The following CYP4F11 variants were observed in gnomAD, a reference collection of about 807,000 sequenced individuals.
The protein encoded by CYP4F11 is cytochrome P450 family 4 subfamily F member 11, also known as cytochrome P450 4F11.
CYP4F11 carries 79 observed loss-of-function variants against 62.2 expected under a neutral mutation model. The ratio of observed to expected loss-of-function variants is 1.27; its 90% CI spans 1.06 to 1.53. CYP4F11 has a LOEUF of 1.53. CYP4F11 is among the 40% of genes most tolerant of loss of function. The pLI, the probability that CYP4F11 is intolerant of heterozygous loss-of-function variation, is 0.00. For missense variants in CYP4F11, 777 were observed against 680.5 expected, an observed-to-expected ratio of 1.14 and a Z score of -1.58; for synonymous variants, 290 against 263.7, an observed-to-expected ratio of 1.10 and a Z score of -0.97.
chr19:15,922,212 C>T, intron 7 of CYP4F11, 46 bp from the exon 8 acceptor site: 2 of 1,599,804 alleles, frequency 1.3e-6, no homozygotes, highest in Non-Finnish European at 8.5e-7. Context: ...TGCTTCAGCA[C>T]CAGAGGGAGG....
intron 8 of CYP4F11, among the ~76,000 whole-genome samples, chr19:15,915,449 T>C (rs943389708): frequency 6.6e-6 from 1 of 152,212 alleles, no homozygotes; most frequent in Non-Finnish European, 1.5e-5. Context: ...TCTTTTTCTG[T>C]GGCTGTTTAA....
chr19:15,921,422 C>T (rs1189055284), intron 8 of CYP4F11, among the ~76,000 whole-genome samples: 3 of 152,200 alleles, frequency 2.0e-5, no homozygotes, highest in African/African-American at 7.2e-5. Flanking sequence ...CAGCCTCATC[C>T]CTGCCCATGT....
At chr19:15,931,560 G>A (rs554791021) in intron 1 of CYP4F11, among the ~76,000 whole-genome samples, 6 of 110,258 alleles carry the variant, frequency 5.4e-5, no homozygotes, top group Admixed American at 8.8e-5. Flanking sequence ...GAATGAGTGA[G>A]CGAGGAGAGG....
intron 1 of CYP4F11, among the ~76,000 whole-genome samples, chr19:15,933,861 T>C (rs143878357): frequency 0.017 from 370 of 22,412 alleles, 122 homozygotes; most frequent in Non-Finnish European, 0.031. Flanking sequence ...AATGAGTGAG[T>C]GAGCAGAGGA....
In CYP4F11 at chr19:15,912,805, T is replaced by TATATATATATATATATATAC. The variant is rs1183276800; in HGVS notation, c.*926_*927insGTATATATATATATATATAT. 9.9e-6 allele frequency: 1 copy of TATATATATATATATATATAC among 101,252 alleles called. No individual in the cohort carries two copies. Among genetic ancestry groups the TATATATATATATATATATAC allele is most frequent in the African/African-American group, 4.3e-5 (1 of 23,392 alleles). The allele number at this position is 101,252 out of a possible 1,614,324, so 6.3% of individuals were successfully genotyped here. On this transcript the variant is annotated 3_prime_UTR_variant, in exon 12 of 12. Coordinates refer to ENST00000402119, the MANE Select transcript of CYP4F11 (RefSeq NM_021187.4). ...TATATATATAATATATATATATATA[T>TATATATATATATATATATAC]ACATATCTTATATGCACAGCCCTCT...
chr19:15,934,322 C>T lies in CYP4F11; in HGVS notation c.87G>A (p.Trp29Ter), dbSNP rs1474851043. 1 of 1,613,266 alleles carries T rather than the reference C, an allele frequency of 6.2e-7. No homozygotes were observed. The highest frequency in any genetic ancestry group is 8.5e-7 in the Non-Finnish European group (1 of 1,179,624). Residue 29 changes from tryptophan to a stop codon, truncating the protein, a stop_gained, in exon 1 of 12, where the codon TGG (tryptophan) becomes TGA (stop). Transcript: ENST00000402119. LOFTEE classifies it high-confidence loss of function. The stretch of plus-strand genomic sequence containing the variant: ...TCCAGGCCAGGACGCGGGCCAGGAG[C>T]CAGGAGCCTCCAACCAGCAGCAGAA... ...WLLLLLVGGS[W>*]LLARVLAWTY... is the part of the protein sequence containing the mutation.
chr19:15,930,814 C>T (rs920674085), intron 1 of CYP4F11, among the ~76,000 whole-genome samples: 1 of 152,084 alleles, frequency 6.6e-6, no homozygotes, highest in Non-Finnish European at 1.5e-5. Context: ...CCTGGCTGGT[C>T]CCCACCAGCG....
At chr19:15,925,759 C>CA (rs1555777902) in intron 4 of CYP4F11, among the ~76,000 whole-genome samples, 4 of 149,052 alleles carry the variant, frequency 2.7e-5, no homozygotes, top group South Asian at 2.2e-4. Flanking sequence ...CACACACACA[C>CA]CCTGTAGTTG....
chr19:15,920,899 T>G (rs967571099), intron 8 of CYP4F11, among the ~76,000 whole-genome samples: 2 of 151,960 alleles, frequency 1.3e-5, no homozygotes, highest in African/African-American at 4.8e-5. Context: ...GTCTTCCCTC[T>G]CTCTTTCTTT....
Position 15,934,313 on chromosome 19 carries a change from G to GGCCAGGA in CYP4F11, c.89_95dup (p.Arg33ProfsTer13). The GGCCAGGA allele has an allele frequency of 1.2e-6, 2 of 1,613,148 alleles. No homozygotes were observed. The highest frequency in any genetic ancestry group is 2.2e-5 in the East Asian group (1 of 44,796). Reference sequence around the variant, plus strand: ...AGGTGTAGGTCCAGGCCAGGACGCGGGCCAGGAGCCAGGAGCCTCCAACCA... The same window carrying GGCCAGGA: ...AGGTGTAGGTCCAGGCCAGGACGCGGGCCAGGAGCCAGGAGCCAGGAGCCTCCAACCA... On this transcript the variant is annotated frameshift_variant, in exon 1 of 12. Transcript: ENST00000402119. LOFTEE classifies it high-confidence loss of function.
intron 1 of CYP4F11, 128 bp from the exon 2 acceptor site, chr19:15,929,729 G>A (rs189422549): frequency 5.5e-5 from 60 of 1,085,762 alleles, no homozygotes; most frequent in South Asian, 3.5e-4. Context: ...CATTATTTCT[G>A]GATGTGTCCA....
intron 8 of CYP4F11, among the ~76,000 whole-genome samples, chr19:15,919,521 T>TAGATAGATAGATAGATAGATAGATAGAC (rs1191784843): frequency 6.8e-6 from 1 of 146,074 alleles, no homozygotes; most frequent in Admixed American, 6.9e-5. Flanking sequence ...GATAGATAGA[T>TAGATAGATAGATAGATAGATAGATAGAC]AGACAGATAG....
intron 2 of CYP4F11, chr19:15,927,794 G>A (rs964935649): frequency 5.4e-6 from 2 of 369,238 alleles, no homozygotes; most frequent in Non-Finnish European, 9.8e-6. Flanking sequence ...AGGGACCTAG[G>A]ACACTCTGTC....
rs2089553517 is a variant in CYP4F11 at position 15,913,438 on chromosome 19, C to T, written c.*294G>A. The stretch of plus-strand genomic sequence containing the variant: ...CTTGCTCCTTAAACCCATTCTTAAT[C>T]CTGTTCCCTCTCCTGCTCAAACACC... On this transcript the variant is annotated 3_prime_UTR_variant, in exon 12 of 12. Coordinates refer to ENST00000402119, the MANE Select transcript of CYP4F11 (RefSeq NM_021187.4). 2 of 429,490 alleles carry T rather than the reference C, an allele frequency of 4.7e-6. No homozygotes were observed. The highest frequency in any genetic ancestry group is 2.0e-5 in the African/African-American group (1 of 49,482). 26.6% of individuals were successfully genotyped at this position (429,490 alleles called of 1,614,324 possible).
Position 15,923,825 on chromosome 19 carries a change from A to G in CYP4F11, c.905T>C (p.Leu302Pro). 1 of 1,612,906 alleles carries G rather than the reference A, an allele frequency of 6.2e-7. No individual in the cohort carries two copies. Among genetic ancestry groups the G allele is most frequent in the South Asian group, 1.1e-5 (1 of 91,078 alleles). ...AGAGAAGCCTACCTTGCTCAGCAGA[A>G]GCACATCAATGAAGTCTAAAGTCTT... ...KSKTLDFIDVLLLSKDEDGKE... is the reference protein window; with the variant it reads ...KSKTLDFIDVPLLSKDEDGKE... The change falls in exon 6 of 12, where the codon CTT becomes CCT. Residue 302 changes from leucine (L) to proline (P), a missense_variant. Transcript: ENST00000402119.
chr19:15,916,368 A>G (rs1265783248), intron 8 of CYP4F11, among the ~76,000 whole-genome samples: 1 of 152,202 alleles, frequency 6.6e-6, no homozygotes, highest in African/African-American at 2.4e-5. Context: ...GGCTTAGGCA[A>G]AGAATGCATG....
At chr19:15,921,955 C>T in intron 8 of CYP4F11, 82 bp downstream of exon 8, 1 of 1,456,442 alleles carries the variant, frequency 6.9e-7, no homozygotes, top group Non-Finnish European at 9.1e-7. Context: ...GAAGAATTGA[C>T]CAAAAAAACT....
intron 1 of CYP4F11, among the ~76,000 whole-genome samples, chr19:15,929,905 A>G (rs1030421113): frequency 6.6e-6 from 1 of 152,190 alleles, no homozygotes; most frequent in East Asian, 1.9e-4. Flanking sequence ...GTCCTTGGAC[A>G]TGAGAACTCC....
intron 10 of CYP4F11, 91 bp from the exon 11 acceptor site, chr19:15,914,478 A>G: frequency 1.9e-6 from 3 of 1,552,468 alleles, no homozygotes; most frequent in Non-Finnish European, 1.8e-6. Context: ...CCTTGGAGAG[A>G]CATTTTGGCA....
Sources: gnomAD v4.1 joint callset for allele counts (sites outside exome capture counted in the v4.1 genomes callset) on GRCh38, gnomAD v4.1.1 for gene constraint, MANE v1.5 for transcripts, NCBI Gene and HGNC (gene_info 2026-07-23, HGNC 2026-07-21) for gene names.